Variants in CABLES1 observed in about 807,000 individuals in gnomAD.
CABLES1 encodes the protein CDK5 and ABL1 enzyme substrate 1.
A neutral mutation model predicts 57.8 loss-of-function variants in CABLES1; 36 were observed. The ratio of observed to expected loss-of-function variants is 0.62; its 90% CI spans 0.48 to 0.82. The LOEUF (loss-of-function observed/expected upper bound fraction) is 0.82, where lower values mean the gene tolerates loss of function less well. CABLES1 is among the 40% of genes least tolerant of loss of function. The pLI is 0.00. For missense variants in CABLES1, 767 were observed against 836.6 expected (o/e 0.92, Z 1.03); for synonymous variants, 374 against 363.0 (o/e 1.03, Z -0.35).
rs537294548 is a variant in CABLES1, at chr18:23,252,842, A to G, written c.1447-118A>G. ...CCGCCGAGCCCTTGTTGTAGCTCCA[A>G]TGCAAGTTTTCCCGTTGCTCATGGC... On this transcript the variant is annotated intron_variant, in intron 7 of 9. Coordinates refer to ENST00000256925, the MANE Select transcript of CABLES1 (RefSeq NM_001100619.3). 264 of 653,142 alleles carry G rather than the reference A, an allele frequency of 4.0e-4. 3 individuals are homozygous for G. The South Asian group carries it at 4.5e-3, about 11-fold the overall frequency. The allele number at this position is 653,142 out of a possible 1,614,324, so 40.5% of individuals were successfully genotyped here. A position where few individuals can be genotyped will look rare whatever the true frequency, so the allele number is the denominator to read the frequency against.
chr18:23,188,543 T>TTGTGTG (rs55888102), intron 1 of CABLES1, among the ~76,000 whole-genome samples: 44 of 149,062 alleles, frequency 3.0e-4, no homozygotes, highest in Non-Finnish European at 3.1e-4. Flanking sequence ...CACCTTGTCT[T>TTGTGTG]TGTGTGTGTG....
At chr18:23,151,656 A>G (rs751849938) in intron 1 of CABLES1, among the ~76,000 whole-genome samples, 6 of 152,120 alleles carry the variant, frequency 3.9e-5, no homozygotes, top group Admixed American at 1.3e-4. Context: ...TTGGCCTGTG[A>G]TAAGTGATGG....
intron 7 of CABLES1, among the ~76,000 whole-genome samples, chr18:23,246,265 C>CAAAA (rs111345466): frequency 7.1e-5 from 10 of 140,732 alleles, no homozygotes; most frequent in African/African-American, 1.3e-4. Context: ...GACTCCATCT[C>CAAAA]AAAAAAAAAA....
intron 4 of CABLES1, among the ~76,000 whole-genome samples, chr18:23,232,925 C>T (rs75835857): frequency 0.017 from 2,617 of 152,182 alleles, 34 homozygotes; most frequent in South Asian, 0.045. Flanking sequence ...TCTCACCACT[C>T]GCTTGGCTCC....
At chr18:23,211,638 C>T (rs1450172850) in intron 3 of CABLES1, among the ~76,000 whole-genome samples, 1 of 152,234 alleles carries the variant, frequency 6.6e-6, no homozygotes, top group Admixed American at 6.5e-5. Flanking sequence ...AAGGGGCAGG[C>T]TTTTCTAGTA....
intron 7 of CABLES1, among the ~76,000 whole-genome samples, chr18:23,241,680 A>G (rs2047740125): frequency 6.6e-6 from 1 of 152,128 alleles, no homozygotes; most frequent in Admixed American, 6.5e-5. Context: ...TCTTGGGGTA[A>G]ATACCTAGGA....
intron 9 of CABLES1, 109 bp downstream of exon 9, chr18:23,254,045 TCA>T: frequency 1.1e-6 from 1 of 880,932 alleles, no homozygotes; most frequent in East Asian, 2.6e-5. Flanking sequence ...TGATCCTTAG[TCA>T]GCAATTGAGG....
chr18:23,244,145 A>G (rs1199394568), intron 7 of CABLES1, among the ~76,000 whole-genome samples: 1 of 152,212 alleles, frequency 6.6e-6, no homozygotes, highest in Non-Finnish European at 1.5e-5. Flanking sequence ...AGTGCATCCA[A>G]ATACTCTCTG....
At chr18:23,245,908 C>A (rs540452202) in intron 7 of CABLES1, among the ~76,000 whole-genome samples, 2 of 152,364 alleles carry the variant, frequency 1.3e-5, no homozygotes, top group African/African-American at 2.4e-5. Context: ...CAGCCTGGGC[C>A]TGCTGCGGGC....
intron 1 of CABLES1, among the ~76,000 whole-genome samples, chr18:23,185,478 C>T (rs972890482): frequency 2.6e-5 from 4 of 152,146 alleles, no homozygotes; most frequent in African/African-American, 9.7e-5. Flanking sequence ...ACAGGGCTCA[C>T]GGTCACATTG....
intron 7 of CABLES1, among the ~76,000 whole-genome samples, chr18:23,242,783 CT>C (rs1280593459): frequency 6.6e-6 from 1 of 152,138 alleles, no homozygotes; most frequent in Non-Finnish European, 1.5e-5. Context: ...GATAAAATGC[CT>C]ATTTTTTATT....
At chr18:23,237,549 A>G (rs2047634087) in intron 7 of CABLES1, among the ~76,000 whole-genome samples, 1 of 152,200 alleles carries the variant, frequency 6.6e-6, no homozygotes, top group African/African-American at 2.4e-5. Flanking sequence ...ACCCCCGTGG[A>G]GAGGACCAGG....
chr18:23,136,912 C>G (rs574838497), intron 1 of CABLES1, among the ~76,000 whole-genome samples: 2 of 152,374 alleles, frequency 1.3e-5, no homozygotes, highest in South Asian at 2.1e-4. Flanking sequence ...CCTCCCCACA[C>G]GAGATCACAA....
At chr18:23,185,348 G>C (rs931589816) in intron 1 of CABLES1, among the ~76,000 whole-genome samples, 22 of 152,184 alleles carry the variant, frequency 1.4e-4, no homozygotes, top group Admixed American at 3.9e-4. Flanking sequence ...CCACAGCCCT[G>C]AAGGACGCAG....
In CABLES1 at chr18:23,136,330, G is replaced by C. The variant is rs370354616; in HGVS notation, c.568G>C (p.Ala190Pro). The C allele has an allele frequency of 7.0e-7, 1 of 1,419,194 alleles. No homozygotes were observed. The highest frequency in any genetic ancestry group is 9.2e-7 in the Non-Finnish European group (1 of 1,090,434). 87.9% of individuals were successfully genotyped at this position (1,419,194 alleles called of 1,614,324 possible). A position where few individuals can be genotyped will look rare whatever the true frequency, so the allele number is the denominator to read the frequency against. The stretch of plus-strand genomic sequence containing the variant: ...GCCGCCCCGGCCGGCGCCTCTCGCC[G>C]CCTGTGCCCAACTGCAGCTGCTCGA... ...WQPPRPAPLA[A>P]CAQLQLLDGS... Residue 190 changes from alanine to proline, a missense_variant, in exon 1 of 10, where the codon GCC becomes CCC. By Grantham distance (27) the Ala-to-Pro change is conservative. Transcript: ENST00000256925.
Position 23,176,693 on chromosome 18 carries a change from A to G in CABLES1, c.846-12145A>G, listed in dbSNP as rs72874958. ...GCATCAGTCTTTGTTTCCATAAACCACTATTGAGTGTGGGCCACAGTTAAC... is the reference window on the plus strand; with the variant it reads ...GCATCAGTCTTTGTTTCCATAAACCGCTATTGAGTGTGGGCCACAGTTAAC... On this transcript the variant is annotated intron_variant, in intron 1 of 9. Transcript: ENST00000256925. Among the ~76,000 whole-genome samples, 1,098 of 152,288 alleles carry G rather than the reference A, an allele frequency of 7.2e-3. 5 individuals are homozygous for G. Among genetic ancestry groups the G allele is most frequent in the Non-Finnish European group, 0.013 (861 of 68,006 alleles).
chr18:23,233,619 G>A (rs904253645), intron 4 of CABLES1, among the ~76,000 whole-genome samples: 3 of 152,172 alleles, frequency 2.0e-5, no homozygotes, highest in Non-Finnish European at 4.4e-5. Flanking sequence ...AGGCCAAGAC[G>A]GGAGGATGGC....
At chr18:23,206,206 A>C (rs2047362170) in intron 3 of CABLES1, among the ~76,000 whole-genome samples, 2 of 149,420 alleles carry the variant, frequency 1.3e-5, no homozygotes, top group Non-Finnish European at 3.0e-5. Context: ...ATCCCACTCC[A>C]CTCCTGTGAG....
At chr18:23,174,150 A>G (rs983647497) in intron 1 of CABLES1, among the ~76,000 whole-genome samples, 1 of 151,762 alleles carries the variant, frequency 6.6e-6, no homozygotes, top group East Asian at 1.9e-4. Context: ...CCACGAATCT[A>G]TTTTCTCTCT....
Sources: allele counts gnomAD v4.1 joint callset (sites outside exome capture counted in the v4.1 genomes callset), GRCh38; gene constraint gnomAD v4.1.1; transcripts MANE v1.5; gene names NCBI Gene and HGNC (gene_info 2026-07-23, HGNC 2026-07-21).